RYR2: variants seen among roughly 807,000 people sequenced by gnomAD.
The protein encoded by RYR2 is ryanodine receptor 2.
In RYR2, 227 loss-of-function variants were observed where a neutral mutation model predicts 601.1. The ratio of observed to expected loss-of-function variants is 0.38; its 90% CI spans 0.34 to 0.42. The LOEUF is 0.42. Ranked by LOEUF, RYR2 falls within the 10% of genes least tolerant of loss-of-function variation. RYR2 has a pLI of 1.00. For missense variants in RYR2, 4,646 were observed against 6,156.5 expected (o/e 0.75, Z 8.21); for synonymous variants, 2,223 against 2,175.1 (o/e 1.02, Z -0.61).
intron 35 of RYR2, among the ~76,000 whole-genome samples, chr1:237,608,318 A>AGATG (rs1410877377): frequency 1.3e-5 from 2 of 152,212 alleles, no homozygotes; most frequent in African/African-American, 4.8e-5. Context: ...CGGATGCCGT[A>AGATG]GATGGACTCA....
chr1:237,556,364 A>G (rs1316430007), intron 27 of RYR2, among the ~76,000 whole-genome samples: 1 of 151,034 alleles, frequency 6.6e-6, no homozygotes, highest in African/African-American at 2.4e-5. Context: ...CAGTGGTGCA[A>G]TCTCAGTTCA....
intron 3 of RYR2, chr1:237,333,661 A>C (rs914652985): frequency 2.2e-6 from 1 of 456,016 alleles, no homozygotes; most frequent in Non-Finnish European, 4.4e-6. Flanking sequence ...TGCTGCTGGC[A>C]CTTGTAGGAA....
chr1:237,462,726 C>T (rs1659619677), intron 16 of RYR2, among the ~76,000 whole-genome samples: 1 of 152,092 alleles, frequency 6.6e-6, no homozygotes, highest in African/African-American at 2.4e-5. Flanking sequence ...GGAGGCAGAT[C>T]TCCCTAAATG....
chr1:237,402,055 A>C (rs1188799102), intron 10 of RYR2, among the ~76,000 whole-genome samples: 2 of 152,204 alleles, frequency 1.3e-5, no homozygotes, highest in Admixed American at 1.3e-4. Context: ...AGTACTGAAA[A>C]AGGCACATAG....
At chr1:237,709,370 CCAT>C in intron 69 of RYR2, 107 bp from the exon 70 acceptor site, 2 of 761,564 alleles carry the variant, frequency 2.6e-6, no homozygotes, top group Non-Finnish European at 4.5e-6. Flanking sequence ...TGTGCTGAAA[CCAT>C]CATGAGCTCT....
intron 1 of RYR2, among the ~76,000 whole-genome samples, chr1:237,148,262 C>G (rs1209316652): frequency 6.6e-6 from 1 of 151,972 alleles, no homozygotes; most frequent in Admixed American, 6.6e-5. Flanking sequence ...GAACAGAAAA[C>G]CAAACACCGC....
chr1:237,219,307 T>C (rs1345006933), intron 1 of RYR2, among the ~76,000 whole-genome samples: 1 of 152,162 alleles, frequency 6.6e-6, no homozygotes, highest in Non-Finnish European at 1.5e-5. Context: ...CATGAGCCAC[T>C]GCACCCGGCC....
intron 42 of RYR2, among the ~76,000 whole-genome samples, chr1:237,631,794 ATT>A (rs1281696995): frequency 4.6e-5 from 7 of 151,146 alleles, no homozygotes; most frequent in Non-Finnish European, 2.9e-5. Flanking sequence ...CGCCCGGCTA[ATT>A]TTTTTGTGTT....
At chr1:237,724,208 TATA>T (rs1690009377) in intron 74 of RYR2, among the ~76,000 whole-genome samples, 1 of 147,552 alleles carries the variant, frequency 6.8e-6, no homozygotes, top group Non-Finnish European at 1.5e-5. Context: ...TATATATATA[TATA>T]TATATATGTA....
At chr1:237,566,150 T>C (rs1425706111) in intron 27 of RYR2, among the ~76,000 whole-genome samples, 1 of 152,222 alleles carries the variant, frequency 6.6e-6, no homozygotes, top group African/African-American at 2.4e-5. Context: ...TCGTCTTCCC[T>C]CTTCTCTCTC....
intron 1 of RYR2, among the ~76,000 whole-genome samples, chr1:237,206,206 G>A (rs1018950666): frequency 6.6e-6 from 1 of 152,192 alleles, no homozygotes; most frequent in Admixed American, 6.5e-5. Flanking sequence ...GAGCCACTAG[G>A]ACCCCCAGGA....
At chr1:237,259,556 AC>A (rs1015127431) in intron 1 of RYR2, among the ~76,000 whole-genome samples, 73 of 137,600 alleles carry the variant, frequency 5.3e-4, no homozygotes, top group Admixed American at 4.4e-3. Flanking sequence ...AAGAGAGACT[AC>A]CGTCACCTTG....
intron 1 of RYR2, among the ~76,000 whole-genome samples, chr1:237,052,281 C>T (rs997796672): frequency 4.6e-5 from 7 of 152,094 alleles, no homozygotes; most frequent in Admixed American, 4.6e-4. Flanking sequence ...GGATTGTGTC[C>T]TGTGTAAAAT....
intron 1 of RYR2, among the ~76,000 whole-genome samples, chr1:237,157,966 T>C (rs1430798872): frequency 6.6e-6 from 1 of 152,204 alleles, no homozygotes; most frequent in African/African-American, 2.4e-5. Context: ...CATTATACAT[T>C]GTATGCTATT....
chr1:237,326,951 A>T (rs924415698), intron 2 of RYR2, among the ~76,000 whole-genome samples: 1 of 152,218 alleles, frequency 6.6e-6, no homozygotes, highest in East Asian at 1.9e-4. Flanking sequence ...CTGACATGCT[A>T]CCATGGGTAT....
Position 237,791,569 on chromosome 1 carries a change from A to AATC in RYR2, c.13563+54_13563+55insATC, listed in dbSNP as rs1438506323. On this transcript the variant is annotated intron_variant, in intron 93 of 104. Coordinates refer to ENST00000366574, the MANE Select transcript of RYR2 (RefSeq NM_001035.3). ...GGTATAAAACTCCAAATAGAAATGA[A>AATC]TGTAAAGATTTCACGATGAACGTAT... 4 of 913,922 alleles carry AATC rather than the reference A, an allele frequency of 4.4e-6. No individual in the cohort carries two copies. In the Admixed American group the frequency reaches 8.1e-5, roughly 18 times the overall value. The allele number at this position is 913,922 out of a possible 1,614,324, so 56.6% of individuals were successfully genotyped here. A position where few individuals can be genotyped will look rare whatever the true frequency, so the allele number is the denominator to read the frequency against.
intron 2 of RYR2, among the ~76,000 whole-genome samples, chr1:237,309,854 G>A (rs1694344570): frequency 1.3e-5 from 2 of 152,282 alleles, no homozygotes; most frequent in African/African-American, 4.8e-5. Flanking sequence ...TGCACCCTCT[G>A]CAGCTGCTGC....
chr1:237,362,814 T>C (rs1558686663), intron 4 of RYR2, among the ~76,000 whole-genome samples: 1 of 152,200 alleles, frequency 6.6e-6, no homozygotes, highest in East Asian at 1.9e-4. Context: ...TCTGCTCTTC[T>C]TTCTCATTCT....
At chr1:237,736,810 C>A (rs1303218967) in intron 79 of RYR2, among the ~76,000 whole-genome samples, 1 of 152,200 alleles carries the variant, frequency 6.6e-6, no homozygotes, top group African/African-American at 2.4e-5. Flanking sequence ...CAGTAATGCT[C>A]CCCCTGGCTG....
Sources: gnomAD v4.1 joint callset for allele counts (sites outside exome capture counted in the v4.1 genomes callset) on GRCh38, gnomAD v4.1.1 for gene constraint, MANE v1.5 for transcripts, NCBI Gene and HGNC (gene_info 2026-07-23, HGNC 2026-07-21) for gene names.